Variants in MDFIC2 observed in about 807,000 individuals in gnomAD.
The protein encoded by MDFIC2 is myoD family inhibitor domain-containing protein 2.
intron 2 of MDFIC2, among the ~76,000 whole-genome samples, chr3:70,209,185 A>G (rs1171455161): frequency 6.6e-6 from 1 of 152,138 alleles, no homozygotes; most frequent in Non-Finnish European, 1.5e-5. Context: ...TAAGAACAGC[A>G]TCAATATTTT....
chr3:70,300,868 T>C (rs1702341794), intron 2 of MDFIC2, among the ~76,000 whole-genome samples: 1 of 152,066 alleles, frequency 6.6e-6, no homozygotes, highest in African/African-American at 2.4e-5. Context: ...AAGGTATTCA[T>C]GTCCTATAAA....
intron 2 of MDFIC2, among the ~76,000 whole-genome samples, chr3:70,276,549 C>T (rs1702028508): frequency 1.3e-5 from 2 of 152,116 alleles, no homozygotes; most frequent in African/African-American, 4.8e-5. Flanking sequence ...AAATATTTAT[C>T]ACATATGCAA....
chr3:70,234,761 T>C (rs1701591882), intron 2 of MDFIC2, among the ~76,000 whole-genome samples: 1 of 152,216 alleles, frequency 6.6e-6, no homozygotes, highest in Non-Finnish European at 1.5e-5. Context: ...AACTTTTCTA[T>C]TTCGTCCCTC....
At chr3:70,235,105 T>C (rs1701594690) in intron 2 of MDFIC2, among the ~76,000 whole-genome samples, 2 of 152,196 alleles carry the variant, frequency 1.3e-5, no homozygotes, top group Admixed American at 1.3e-4. Flanking sequence ...TATGTTTTTT[T>C]CCAACCTCTA....
intron 2 of MDFIC2, among the ~76,000 whole-genome samples, chr3:70,270,164 G>A (rs996120860): frequency 3.3e-5 from 5 of 152,192 alleles, no homozygotes; most frequent in South Asian, 4.1e-4. Flanking sequence ...TTTGGAATAC[G>A]TAGACAAGTA....
chr3:70,247,545 C>A (rs1237599447), intron 2 of MDFIC2, among the ~76,000 whole-genome samples: 1 of 151,390 alleles, frequency 6.6e-6, no homozygotes, highest in Non-Finnish European at 1.5e-5. Context: ...CTATATTATA[C>A]CAATTTTTTG....
chr3:70,214,285 C>T (rs1306213286), intron 2 of MDFIC2, among the ~76,000 whole-genome samples: 1 of 152,094 alleles, frequency 6.6e-6, no homozygotes, highest in Non-Finnish European at 1.5e-5. Context: ...GTTAAAGTCA[C>T]AGTCGTATAA....
chr3:70,205,830 A>G (rs539605821), intron 3 of MDFIC2: 1 of 152,238 alleles, frequency 6.6e-6, no homozygotes, highest in African/African-American at 2.4e-5. Context: ...CTTTCTTTAA[A>G]TGCTAATGTA....
At chr3:70,297,163 C>G (rs1310643854) in intron 2 of MDFIC2, among the ~76,000 whole-genome samples, 2 of 152,048 alleles carry the variant, frequency 1.3e-5, no homozygotes, top group African/African-American at 4.8e-5. Flanking sequence ...CAGTACACTG[C>G]TTGTCAAATT....
chr3:70,280,235 C>G (rs1028684069), intron 2 of MDFIC2, among the ~76,000 whole-genome samples: 1 of 152,106 alleles, frequency 6.6e-6, no homozygotes, highest in African/African-American at 2.4e-5. Context: ...TCCTCCTCTC[C>G]CTTAAAAAGA....
chr3:70,275,147 G>C (rs1458882179), intron 2 of MDFIC2, among the ~76,000 whole-genome samples: 1 of 152,096 alleles, frequency 6.6e-6, no homozygotes, highest in Non-Finnish European at 1.5e-5. Context: ...TTAAATATTA[G>C]AATTTTAACT....
At chr3:70,217,163 C>CGA (rs1332916679) in intron 2 of MDFIC2, among the ~76,000 whole-genome samples, 12 of 152,044 alleles carry the variant, frequency 7.9e-5, no homozygotes, top group Admixed American at 7.9e-4. Context: ...ACTGCTATAT[C>CGA]CTAAAAGAGG....
intron 2 of MDFIC2, among the ~76,000 whole-genome samples, chr3:70,211,283 GCCCTT>G (rs1245536524): frequency 4.1e-5 from 5 of 121,148 alleles, no homozygotes; most frequent in African/African-American, 1.3e-4. Flanking sequence ...CCTTCCCTTT[GCCCTT>G]CCCTTCCCTT....
chr3:70,215,288 C>T (rs1231044743), intron 2 of MDFIC2, among the ~76,000 whole-genome samples: 1 of 152,042 alleles, frequency 6.6e-6, no homozygotes, highest in African/African-American at 2.4e-5. Flanking sequence ...AGTACTTGAA[C>T]TTACGTCTTC....
At chr3:70,270,846 G>T (rs925642583) in intron 2 of MDFIC2, among the ~76,000 whole-genome samples, 9 of 152,112 alleles carry the variant, frequency 5.9e-5, no homozygotes, top group African/African-American at 2.2e-4. Context: ...AGAACACATG[G>T]ACACAGGGAG....
chr3:70,306,402 C>T (rs931555979), intron 2 of MDFIC2, among the ~76,000 whole-genome samples: 1 of 152,178 alleles, frequency 6.6e-6, no homozygotes, highest in Non-Finnish European at 1.5e-5. Context: ...TGAGCTACCT[C>T]ACCCGGCCAA....
intron 2 of MDFIC2, among the ~76,000 whole-genome samples, chr3:70,294,615 G>C (rs967102936): frequency 1.3e-5 from 2 of 152,096 alleles, no homozygotes; most frequent in African/African-American, 2.4e-5. Flanking sequence ...CATGCTTTCA[G>C]CTGCAAATAA....
In MDFIC2 at chr3:70,230,724, T is replaced by G. The variant is rs375127282; in HGVS notation, c.89-23934A>C. 6.6e-5 allele frequency among the ~76,000 whole-genome samples: 10 copies of G among 152,344 alleles called. No individual in the cohort carries two copies. In the East Asian group the frequency reaches 1.9e-3, roughly 29 times the overall value. On this transcript the variant is annotated intron_variant, in intron 2 of 3. Coordinates refer to ENST00000567252, the MANE Select transcript of MDFIC2 (RefSeq NM_001364677.1). Reference sequence around the variant, plus strand: ...ATTCCTCTGTAAGTGGTGGTTTGTCTGTGGAAGAATTCATCCCATGCCTTC... The same window carrying G: ...ATTCCTCTGTAAGTGGTGGTTTGTCGGTGGAAGAATTCATCCCATGCCTTC...
chr3:70,282,645 C>G (rs924876178), intron 2 of MDFIC2, among the ~76,000 whole-genome samples: 1 of 152,162 alleles, frequency 6.6e-6, no homozygotes, highest in Non-Finnish European at 1.5e-5. Context: ...GGTTCTTGCC[C>G]TCATTTCATT....
Sources: allele counts gnomAD v4.1 joint callset (sites outside exome capture counted in the v4.1 genomes callset), GRCh38; gene constraint gnomAD v4.1.1; transcripts MANE v1.5; gene names NCBI Gene and HGNC (gene_info 2026-07-23, HGNC 2026-07-21).